The following VRK2 variants were observed in gnomAD, a reference collection of about 807,000 sequenced individuals.
The protein encoded by VRK2 is serine/threonine-protein kinase VRK2.
A neutral mutation model predicts 57.6 loss-of-function variants in VRK2; 60 were observed. The observed-to-expected ratio is 1.04, with a 90% confidence interval of 0.85 to 1.29. The LOEUF (loss-of-function observed/expected upper bound fraction) is 1.29. Ranked by LOEUF, VRK2 falls within the 50% of genes most tolerant of loss-of-function variation. The pLI, the probability that VRK2 is intolerant of heterozygous loss-of-function variation, is 0.00. For missense variants in VRK2, 705 were observed against 588.1 expected (o/e 1.20, Z -2.06); for synonymous variants, 231 against 199.2 (o/e 1.16, Z -1.35).
chr2:57,992,119 C>T (rs1672787470), intron 1 of VRK2, among the ~76,000 whole-genome samples: 1 of 152,052 alleles, frequency 6.6e-6, no homozygotes, highest in Non-Finnish European at 1.5e-5. Context: ...TCCTAAATTT[C>T]TGTCAAAAAA....
intron 2 of VRK2, among the ~76,000 whole-genome samples, chr2:58,081,857 CGTGTGTGTGT>C (rs369430200): frequency 0.061 from 8,725 of 142,180 alleles, 867 homozygotes; most frequent in African/African-American, 0.21. Flanking sequence ...ATACCATGTC[CGTGTGTGTGT>C]GTGTGTGTGT....
intron 1 of VRK2, among the ~76,000 whole-genome samples, chr2:57,976,290 G>A (rs1045157710): frequency 6.6e-6 from 1 of 152,092 alleles, no homozygotes; most frequent in Non-Finnish European, 1.5e-5. Context: ...TGGAATTGCT[G>A]GGTCAAGTGG....
At chr2:58,070,702 T>C (rs1669252008) in intron 2 of VRK2, among the ~76,000 whole-genome samples, 1 of 152,188 alleles carries the variant, frequency 6.6e-6, no homozygotes, top group African/African-American at 2.4e-5. Context: ...TGTTTATCCA[T>C]TCACCTGTTG....
In VRK2 at chr2:58,139,800, A is replaced by G. The variant is rs779330212; in HGVS notation, c.991A>G (p.Ser331Gly). 3.1e-6 allele frequency: 5 copies of G among 1,612,688 alleles called. No homozygotes were observed. In the East Asian group the frequency reaches 8.9e-5, roughly 29 times the overall value. The stretch of plus-strand genomic sequence containing the variant: ...ACTGGACTTTTCCACAAAAGGACAG[A>G]GTATAAATGTCCATACTCCAAACAG... ...GPLDFSTKGQSINVHTPNSQK... is the reference protein window; with the variant it reads ...GPLDFSTKGQGINVHTPNSQK... Residue 331 changes from serine (S) to glycine (G), a missense_variant, in exon 11 of 13, where the codon AGT becomes GGT. Coordinates refer to ENST00000340157, the MANE Select transcript of VRK2 (RefSeq NM_006296.7).
At chr2:58,026,390 G>A (rs1673927268) in intron 2 of VRK2, among the ~76,000 whole-genome samples, 1 of 152,026 alleles carries the variant, frequency 6.6e-6, no homozygotes, top group South Asian at 2.1e-4. Flanking sequence ...TCTATAGCAT[G>A]AGAACATCCT....
intron 1 of VRK2, among the ~76,000 whole-genome samples, chr2:57,968,980 A>C (rs1443732851): frequency 6.6e-6 from 1 of 152,104 alleles, no homozygotes; most frequent in South Asian, 2.1e-4. Context: ...TGTCAATATA[A>C]TTGTGCTTAC....
chr2:57,944,874 A>G (rs905525129), intron 1 of VRK2, among the ~76,000 whole-genome samples: 6 of 152,200 alleles, frequency 3.9e-5, no homozygotes, highest in Non-Finnish European at 7.3e-5. Flanking sequence ...AACGTGGAGC[A>G]GTAATAATCC....
chr2:57,961,981 G>A (rs960266380), intron 1 of VRK2, among the ~76,000 whole-genome samples: 1 of 152,204 alleles, frequency 6.6e-6, no homozygotes, highest in African/African-American at 2.4e-5. Flanking sequence ...GGAGGCTGAA[G>A]TGGGAGGATC....
At chr2:58,076,543 G>A (rs1019755506) in intron 2 of VRK2, among the ~76,000 whole-genome samples, 3 of 151,740 alleles carry the variant, frequency 2.0e-5, no homozygotes, top group Admixed American at 1.3e-4. Context: ...TGTAAGTTGA[G>A]GACTGTCTAC....
intron 1 of VRK2, among the ~76,000 whole-genome samples, chr2:57,971,884 TAAG>T (rs1276784652): frequency 7.2e-5 from 11 of 151,886 alleles, no homozygotes; most frequent in Non-Finnish European, 1.5e-4. Flanking sequence ...AGGTAATTGG[TAAG>T]ATTTTTAAAA....
intron 12 of VRK2, among the ~76,000 whole-genome samples, chr2:58,155,062 G>A (rs961455386): frequency 1.3e-5 from 2 of 152,110 alleles, no homozygotes; most frequent in Non-Finnish European, 2.9e-5. Flanking sequence ...CTGCCTGGTT[G>A]AATGTTCCAG....
At chr2:57,979,725 A>G (rs1350144973) in intron 1 of VRK2, among the ~76,000 whole-genome samples, 2 of 152,102 alleles carry the variant, frequency 1.3e-5, no homozygotes, top group African/African-American at 2.4e-5. Context: ...AGAACTTGTT[A>G]TTGGTCTGTT....
At chr2:57,973,195 G>C (rs1196406026) in intron 1 of VRK2, among the ~76,000 whole-genome samples, 1 of 151,772 alleles carries the variant, frequency 6.6e-6, no homozygotes, top group African/African-American at 2.4e-5. Context: ...CAAACTTTTG[G>C]ATTTTTGCCA....
At chr2:58,069,409 T>G (rs899477148) in intron 2 of VRK2, among the ~76,000 whole-genome samples, 1 of 152,162 alleles carries the variant, frequency 6.6e-6, no homozygotes. Context: ...AACAACTTGT[T>G]GTGGTGACGT....
chr2:58,078,938 G>T (rs1359473863), intron 2 of VRK2, among the ~76,000 whole-genome samples: 2 of 152,108 alleles, frequency 1.3e-5, no homozygotes, highest in Admixed American at 1.3e-4. Flanking sequence ...CCTCCCAAGT[G>T]CTTGGATTAC....
At chr2:58,074,789 C>T (rs922579647) in intron 2 of VRK2, among the ~76,000 whole-genome samples, 1 of 152,020 alleles carries the variant, frequency 6.6e-6, no homozygotes, top group African/African-American at 2.4e-5. Context: ...TTTTTAAAAA[C>T]ATTTCTTGCA....
chr2:58,159,130 C>A, intron 12 of VRK2: 1 of 386,990 alleles, frequency 2.6e-6, no homozygotes, highest in South Asian at 7.5e-5. Context: ...TTAAAAGAAC[C>A]ACTCAAATTA....
At chr2:57,936,793 T>A (rs1670925826) in intron 1 of VRK2, among the ~76,000 whole-genome samples, 2 of 152,210 alleles carry the variant, frequency 1.3e-5, no homozygotes. Flanking sequence ...AATATTAAAC[T>A]CTCAATAAAA....
intron 1 of VRK2, among the ~76,000 whole-genome samples, chr2:58,022,731 T>A (rs190165130): frequency 6.6e-6 from 1 of 152,018 alleles, no homozygotes; most frequent in African/African-American, 2.4e-5. Context: ...AAAAATTAGC[T>A]AAGCATGGTG....
Sources: gnomAD v4.1 joint callset for allele counts (sites outside exome capture counted in the v4.1 genomes callset) on GRCh38, gnomAD v4.1.1 for gene constraint, MANE v1.5 for transcripts, NCBI Gene and HGNC (gene_info 2026-07-23, HGNC 2026-07-21) for gene names.